The following HELLS variants were observed in gnomAD, a reference collection of about 807,000 sequenced individuals.
HELLS encodes lymphoid-specific helicase.
HELLS carries 32 observed loss-of-function variants against 120.0 expected under a neutral mutation model. The ratio of observed to expected loss-of-function variants is 0.27; its 90% CI spans 0.20 to 0.36. The LOEUF is 0.36. Among genes scored for constraint, HELLS ranks in the 10% least tolerant of loss-of-function variants. The pLI, the probability that HELLS is intolerant of heterozygous loss-of-function variation, is 1.00. For missense variants in HELLS, 650 were observed against 993.4 expected (o/e 0.65, Z 4.65); for synonymous variants, 341 against 323.4 (o/e 1.05, Z -0.58).
Position 94,583,118 on chromosome 10 carries a change from C to T in HELLS, c.1326+59C>T, listed in dbSNP as rs573541799. On this transcript the variant is annotated intron_variant, in intron 12 of 21. Coordinates refer to ENST00000348459, the MANE Select transcript of HELLS (RefSeq NM_018063.5). ...GGCTCGATAGAGTATAAAAGGAACT[C>T]TGGAGATCACCTGTCTAACCCTTTG... 2,453 of 871,962 alleles carry T rather than the reference C, an allele frequency of 2.8e-3. 12 individuals are homozygous for T. Among genetic ancestry groups the T allele is most frequent in the Middle Eastern group, 5.0e-3 (22 of 4,392 alleles). 54.0% of individuals were successfully genotyped at this position (871,962 alleles called of 1,614,324 possible). A position where few individuals can be genotyped will look rare whatever the true frequency, so the allele number is the denominator to read the frequency against.
exon 10 of HELLS, chr10:94,610,564 A>G (rs2134146533): frequency 6.6e-6 from 1 of 152,046 alleles, no homozygotes; most frequent in Admixed American, 6.5e-5. Flanking sequence ...AAGGTCACCT[A>G]CAAAGGAACA....
chr10:94,575,204 A>G (rs1443394429), intron 9 of HELLS, among the ~76,000 whole-genome samples: 5 of 150,782 alleles, frequency 3.3e-5, no homozygotes, highest in African/African-American at 1.2e-4. Flanking sequence ...TGATGAAGCA[A>G]TTCTTGTGCC....
intron 8 of HELLS, among the ~76,000 whole-genome samples, chr10:94,607,210 G>A (rs1301487975): frequency 2.3e-5 from 3 of 127,826 alleles, no homozygotes; most frequent in Non-Finnish European, 5.3e-5. Flanking sequence ...GGGCCATGGT[G>A]TTTGACTCTT....
chr10:94,581,618 T>C (rs929485502), intron 11 of HELLS, 96 bp downstream of exon 11: 3 of 831,480 alleles, frequency 3.6e-6, no homozygotes, highest in Admixed American at 6.0e-5. Context: ...ATGCCAAATA[T>C]TTGGCAAGTT....
At position 94,592,364 on chromosome 10, in the gene HELLS, A is replaced by T. The variant is rs1454013891; in HGVS notation, c.1852-31A>T. 6.3e-6 allele frequency: 10 copies of T among 1,581,874 alleles called. No individual in the cohort carries two copies. The Admixed American group carries it at 1.5e-4, about 24-fold the overall frequency. On this transcript the variant is annotated intron_variant, in intron 16 of 21. Transcript: ENST00000348459. The stretch of plus-strand genomic sequence containing the variant: ...TTGTTCAATTATTTTTTTATCAATC[A>T]TTAGAAATATTAAGATATGTTTAAT...
intron 4 of HELLS, among the ~76,000 whole-genome samples, chr10:94,560,542 A>G (rs1843499737): frequency 6.6e-6 from 1 of 151,870 alleles, no homozygotes; most frequent in African/African-American, 2.4e-5. Context: ...TAAAAATACA[A>G]AAAATTAGCT....
In HELLS at chr10:94,601,676, C is replaced by T; in HGVS notation, c.*54C>T. ...TTCTTATTTACATCTAGTGATTTCC[C>T]TGTATTGGGTTTGAAATACTGATTG... On this transcript the variant is annotated 3_prime_UTR_variant, in exon 22 of 22. Transcript: ENST00000348459. The T allele has an allele frequency of 5.4e-6, 5 of 933,888 alleles. No homozygotes were observed. The highest frequency in any genetic ancestry group is 8.4e-6 in the Non-Finnish European group (5 of 594,964). The allele number at this position is 933,888 out of a possible 1,614,324, so 57.9% of individuals were successfully genotyped here.
At position 94,590,628 on chromosome 10, in the gene HELLS, G is replaced by GT. The variant is rs1182315246; in HGVS notation, c.1629-6dup. On this transcript the variant is annotated splice_polypyrimidine_tract_variant and intron_variant, in intron 14 of 21. Transcript: ENST00000348459. ...TGCATTTCCCATATATGCATTATTT[G>GT]TTTTGGTAGAGCTGTTGTGGAAGTG... The GT allele has an allele frequency of 1.2e-6, 2 of 1,607,018 alleles. No homozygotes were observed.
chr10:94,579,568 G>A (rs1359970502), intron 10 of HELLS, among the ~76,000 whole-genome samples: 24 of 151,454 alleles, frequency 1.6e-4, no homozygotes, highest in Non-Finnish European at 2.9e-5. Context: ...CCGAGACAGG[G>A]TCTCACTTTG....
At chr10:94,558,814 G>A (rs1301147269) in intron 4 of HELLS, among the ~76,000 whole-genome samples, 3 of 152,024 alleles carry the variant, frequency 2.0e-5, no homozygotes, top group East Asian at 1.9e-4. Context: ...TGTTAGCCAC[G>A]ATGGTCTCCA....
intron 10 of HELLS, among the ~76,000 whole-genome samples, chr10:94,578,135 A>G (rs539804017): frequency 6.6e-6 from 1 of 151,344 alleles, no homozygotes; most frequent in East Asian, 2.0e-4. Context: ...CACATGTTTA[A>G]TGGCACAAGG....
At chr10:94,553,790 C>T (rs868751831) in intron 2 of HELLS, among the ~76,000 whole-genome samples, 28 of 152,112 alleles carry the variant, frequency 1.8e-4, no homozygotes, top group Middle Eastern at 6.8e-3. Context: ...TCAGGTGATC[C>T]GCCTGCTTTG....
chr10:94,579,401 C>G (rs1554832458), intron 10 of HELLS, among the ~76,000 whole-genome samples: 1 of 151,862 alleles, frequency 6.6e-6, no homozygotes, highest in Non-Finnish European at 1.5e-5. Context: ...TGGGGTTTCT[C>G]TGTGTTAGCC....
intron 9 of HELLS, 82 bp downstream of exon 9, chr10:94,574,818 C>T (rs966736194): frequency 9.0e-7 from 1 of 1,114,242 alleles, no homozygotes; most frequent in Non-Finnish European, 1.3e-6. Flanking sequence ...AATTGTAGAA[C>T]TCTTATAATT....
At chr10:94,571,042 G>T in intron 6 of HELLS, 1 of 184,878 alleles carries the variant, frequency 5.4e-6, no homozygotes, top group Non-Finnish European at 1.1e-5. Context: ...CGCTTAGCTG[G>T]AGTTGGTCTA....
chr10:94,576,187 C>T (rs558794764), intron 9 of HELLS, among the ~76,000 whole-genome samples: 11 of 152,224 alleles, frequency 7.2e-5, no homozygotes, highest in African/African-American at 2.6e-4. Context: ...CATTCTGGCT[C>T]ACTGTGGCCT....
intron 6 of HELLS, among the ~76,000 whole-genome samples, chr10:94,563,207 T>TG (rs1366478984): frequency 6.6e-6 from 1 of 152,058 alleles, no homozygotes; most frequent in Non-Finnish European, 1.5e-5. Context: ...GCGATTCTCC[T>TG]GTCTCAGCCT....
At chr10:94,589,794 C>T (rs776475785) in intron 13 of HELLS, among the ~76,000 whole-genome samples, 1 of 147,156 alleles carries the variant, frequency 6.8e-6, no homozygotes, top group Non-Finnish European at 1.5e-5. Flanking sequence ...TCATGCCATT[C>T]TCCTGCCTCA....
chr10:94,574,496 T>C (rs563756744), intron 8 of HELLS, 58 bp from the exon 9 acceptor site: 9 of 1,253,038 alleles, frequency 7.2e-6, no homozygotes, highest in Non-Finnish European at 1.0e-5. Context: ...AATAAAATAT[T>C]GTAATCCTGT....
Sources: gnomAD v4.1 joint callset for allele counts (sites outside exome capture counted in the v4.1 genomes callset) on GRCh38, gnomAD v4.1.1 for gene constraint, MANE v1.5 for transcripts, NCBI Gene and HGNC (gene_info 2026-07-23, HGNC 2026-07-21) for gene names.